The following LGMN variants were observed in gnomAD, a reference collection of about 807,000 sequenced individuals.
The protein encoded by LGMN is legumain, also known as asparaginyl endopeptidase.
A neutral mutation model predicts 56.8 loss-of-function variants in LGMN; 36 were observed. The ratio of observed to expected loss-of-function variants is 0.63; its 90% confidence interval spans 0.49 to 0.84. LGMN has a LOEUF of 0.84. Among genes scored for constraint, LGMN ranks in the 40% least tolerant of loss-of-function variants. The pLI is 0.00. For synonymous variants in LGMN, 199 were observed against 210.1 expected (o/e 0.95, Z 0.46); for missense variants, 446 against 556.1 (o/e 0.80, Z 1.99).
At chr14:92,737,004 C>T (rs1004535039) in intron 1 of LGMN, among the ~76,000 whole-genome samples, 2 of 152,168 alleles carry the variant, frequency 1.3e-5, no homozygotes, top group Non-Finnish European at 2.9e-5. Flanking sequence ...TTCCAACCAA[C>T]GGCTCTCACC....
At chr14:92,716,052 G>C (rs1191646599) in intron 5 of LGMN, 84 bp downstream of exon 5, 1 of 889,772 alleles carries the variant, frequency 1.1e-6, no homozygotes, top group African/African-American at 1.7e-5. Context: ...ACAGGCTAGG[G>C]GCACAGAACA....
intron 5 of LGMN, 24 bp downstream of exon 5, chr14:92,716,112 G>A: frequency 2.7e-6 from 4 of 1,507,040 alleles, no homozygotes; most frequent in East Asian, 2.3e-5. Flanking sequence ...TGAGAGAAGT[G>A]TAGTATCCGT....
At chr14:92,732,523 G>C in intron 2 of LGMN, 126 bp downstream of exon 2, 1 of 1,053,650 alleles carries the variant, frequency 9.5e-7, no homozygotes, top group Non-Finnish European at 1.4e-6. Context: ...ACACACCTAT[G>C]TTACAGCCAG....
intron 12 of LGMN, among the ~76,000 whole-genome samples, chr14:92,705,312 G>C (rs1304554311): frequency 6.6e-6 from 1 of 152,128 alleles, no homozygotes; most frequent in East Asian, 1.9e-4. Context: ...GACCAGCCTG[G>C]ACAACATGGT....
intron 2 of LGMN, among the ~76,000 whole-genome samples, chr14:92,719,333 CCGCCATCACCGCCACCACCACCAA>C (rs1890325637): frequency 9.2e-6 from 1 of 108,772 alleles, no homozygotes; most frequent in Non-Finnish European, 1.8e-5. Flanking sequence ...GCCACCGCCA[CCGCCATCACCGCCACCACCACCAA>C]CACCACCACC....
chr14:92,729,271 C>T (rs568057696), intron 2 of LGMN, among the ~76,000 whole-genome samples: 24 of 151,688 alleles, frequency 1.6e-4, no homozygotes, highest in Non-Finnish European at 2.9e-4. Context: ...CTGGCCACAC[C>T]CTCACACCTC....
chr14:92,704,040 A>G lies in LGMN; in HGVS notation c.*279T>C. Reference sequence around the variant, plus strand: ...GCCCCCATGAGCTTCCTGCTCCTCAAAACTAACAGGCAAAACAACAAACCT... The same window carrying G: ...GCCCCCATGAGCTTCCTGCTCCTCAGAACTAACAGGCAAAACAACAAACCT... On this transcript the variant is annotated 3_prime_UTR_variant, in exon 14 of 14. Coordinates refer to ENST00000334869, the MANE Select transcript of LGMN (RefSeq NM_005606.7). 1 of 697,570 alleles carries G rather than the reference A, an allele frequency of 1.4e-6. No individual in the cohort carries two copies. Among genetic ancestry groups the G allele is most frequent in the Non-Finnish European group, 2.6e-6 (1 of 383,396 alleles). The allele number at this position is 697,570 out of a possible 1,614,324, so 43.2% of individuals were successfully genotyped here.
chr14:92,728,272 GT>G (rs886894045), intron 2 of LGMN, among the ~76,000 whole-genome samples: 1 of 152,328 alleles, frequency 6.6e-6, no homozygotes. Flanking sequence ...CTCACAAGGA[GT>G]GCGCAGCCTG....
intron 2 of LGMN, among the ~76,000 whole-genome samples, chr14:92,719,907 A>G (rs1337738999): frequency 6.6e-6 from 1 of 152,248 alleles, no homozygotes; most frequent in Non-Finnish European, 1.5e-5. Context: ...AAGTAAGCAT[A>G]AGGAGAGGCG....
chr14:92,736,239 C>A (rs1307264965), intron 1 of LGMN, among the ~76,000 whole-genome samples: 1 of 152,108 alleles, frequency 6.6e-6, no homozygotes, highest in African/African-American at 2.4e-5. Context: ...GATTAACGGA[C>A]AGAGGACCGT....
intron 1 of LGMN, among the ~76,000 whole-genome samples, chr14:92,744,573 T>C (rs1241038092): frequency 2.0e-5 from 3 of 152,134 alleles, no homozygotes; most frequent in Non-Finnish European, 4.4e-5. Context: ...TTTATCTTTT[T>C]TTTAAGGAAA....
intron 1 of LGMN, among the ~76,000 whole-genome samples, chr14:92,739,837 C>T (rs1006818117): frequency 3.3e-5 from 5 of 152,200 alleles, no homozygotes; most frequent in African/African-American, 7.2e-5. Flanking sequence ...CAGATCGTAA[C>T]GTGCCAAGAC....
rs1889994311 is a variant in LGMN, at chr14:92,714,995, T to A, written c.405-544A>T. Among the ~76,000 whole-genome samples the A allele has an allele frequency of 9.0e-6, 1 of 110,958 alleles. No individual in the cohort carries two copies. Among genetic ancestry groups the A allele is most frequent in the Non-Finnish European group, 1.8e-5 (1 of 56,262 alleles). 72.8% of individuals were successfully genotyped at this position (110,958 alleles called of 152,430 possible). ...TCACAGATGTCCATCTCCATACTAA[T>A]TTTTTTTTTTTTTTTTTTTTTGAGA... On this transcript the variant is annotated intron_variant, in intron 5 of 13. Transcript: ENST00000334869. The surrounding 1 kb of genome is among the most constrained non-coding windows in gnomAD (Gnocchi z 5.1).
Position 92,706,514 on chromosome 14 carries a change from CG to C in LGMN, c.1159del (p.Arg387GlyfsTer16), listed in dbSNP as rs758898314. 5.1e-6 allele frequency: 8 copies of C among 1,580,120 alleles called. No individual in the cohort carries two copies. Among genetic ancestry groups the C allele is most frequent in the East Asian group, 2.3e-5 (1 of 44,180 alleles). On this transcript the variant is annotated frameshift_variant, in exon 12 of 14. Transcript: ENST00000334869. LOFTEE classifies it high-confidence loss of function. ...SCYPEALLHF[R>X]THCFNWHSPT... ...GGAGTGCCAGTTGAAGCAGTGGGTCCGGAAGTGCAGCAGGGCCTCTGGGTAG... is the reference window on the plus strand; with the variant it reads ...GGAGTGCCAGTTGAAGCAGTGGGTCCGAAGTGCAGCAGGGCCTCTGGGTAG...
At chr14:92,708,202 T>C (rs962267687) in intron 11 of LGMN, among the ~76,000 whole-genome samples, 3 of 150,696 alleles carry the variant, frequency 2.0e-5, no homozygotes, top group African/African-American at 7.3e-5. Context: ...TTCTGTGAAC[T>C]ATCAAAAATG....
At chr14:92,721,314 G>A (rs1369276540) in intron 2 of LGMN, among the ~76,000 whole-genome samples, 1 of 152,114 alleles carries the variant, frequency 6.6e-6, no homozygotes, top group Non-Finnish European at 1.5e-5. Context: ...ATGGAAGAAG[G>A]GGCCATGAGC....
intron 1 of LGMN, among the ~76,000 whole-genome samples, chr14:92,740,573 G>A (rs1199824601): frequency 6.6e-6 from 1 of 152,166 alleles, no homozygotes; most frequent in Non-Finnish European, 1.5e-5. Context: ...AAGTCTGGGA[G>A]GCCCCGGAAC....
chr14:92,734,931 G>T (rs951476148), intron 1 of LGMN, among the ~76,000 whole-genome samples: 14 of 152,150 alleles, frequency 9.2e-5, no homozygotes, highest in Non-Finnish European at 1.9e-4. Flanking sequence ...CAGACAAGGT[G>T]CTGGGTGCTG....
At position 92,723,978 on chromosome 14, in the gene LGMN, C is replaced by T. The variant is rs149204018; in HGVS notation, c.139-5134G>A. Among the ~76,000 whole-genome samples the T allele has an allele frequency of 6.3e-3, 957 of 152,266 alleles. 10 individuals are homozygous for T. Among genetic ancestry groups the T allele is most frequent in the African/African-American group, 0.022 (927 of 41,542 alleles). ...AACTCGTGGCCTCAAGTGATCCATC[C>T]GCCTTGGCTTCCCAAAGTGCTGGGA... On this transcript the variant is annotated intron_variant, in intron 2 of 13. Coordinates refer to ENST00000334869, the MANE Select transcript of LGMN (RefSeq NM_005606.7).
Sources: allele counts gnomAD v4.1 joint callset (sites outside exome capture counted in the v4.1 genomes callset), GRCh38; gene constraint gnomAD v4.1.1; non-coding constraint Gnocchi (gnomAD v3.1); transcripts MANE v1.5; gene names NCBI Gene and HGNC (gene_info 2026-07-23, HGNC 2026-07-21).